The following GPHN variants were observed in gnomAD, a reference collection of about 807,000 sequenced individuals.
The protein encoded by GPHN is gephyrin.
GPHN carries 17 observed loss-of-function variants against 95.5 expected under a neutral mutation model. The observed-to-expected ratio is 0.18, with a 90% CI of 0.12 to 0.27. GPHN has a LOEUF of 0.27. GPHN is among the 10% of genes least tolerant of loss of function. The probability of loss-of-function intolerance (pLI) is 1.00; values close to 1 mark genes in which losing one functional copy is unlikely to be tolerated. For synonymous variants in GPHN, 320 were observed against 322.5 expected (o/e 0.99, Z 0.08); for missense variants, 660 against 978.1 (o/e 0.67, Z 4.34).
chr14:66,979,720 A>G (rs1289163208), intron 9 of GPHN, among the ~76,000 whole-genome samples: 1 of 152,082 alleles, frequency 6.6e-6, no homozygotes, highest in Non-Finnish European at 1.5e-5. Context: ...TTTCCTTTGC[A>G]TTTACAACTC....
the GPHN span, among the ~76,000 whole-genome samples, chr14:67,664,509 T>TC: frequency 6.6e-6 from 1 of 151,354 alleles, no homozygotes; most frequent in African/African-American, 2.4e-5. Context: ...TTTTTTTTTT[T>TC]TTCTTGAGAC....
intron 9 of GPHN, among the ~76,000 whole-genome samples, chr14:67,005,906 T>TG (rs1173280521): frequency 1.3e-5 from 2 of 151,494 alleles, no homozygotes; most frequent in Non-Finnish European, 3.0e-5. Flanking sequence ...ATATATATAT[T>TG]ATATTTCTCC....
intron 1 of GPHN, among the ~76,000 whole-genome samples, chr14:66,556,642 T>C (rs894808875): frequency 6.6e-6 from 1 of 152,194 alleles, no homozygotes; most frequent in East Asian, 1.9e-4. Flanking sequence ...GTGTAAGTGA[T>C]AGAGCCAAAA....
chr14:67,059,240 T>C (rs1023417852), intron 11 of GPHN, among the ~76,000 whole-genome samples: 6 of 152,102 alleles, frequency 3.9e-5, no homozygotes, highest in African/African-American at 1.4e-4. Context: ...AAAAAAAATA[T>C]TAATTTATCC....
At chr14:66,794,929 T>G (rs1255333683) in intron 3 of GPHN, among the ~76,000 whole-genome samples, 1 of 152,124 alleles carries the variant, frequency 6.6e-6, no homozygotes, top group Non-Finnish European at 1.5e-5. Context: ...TATTTTTTCT[T>G]TGAATTCAGT....
At chr14:66,756,084 G>T (rs370921417) in intron 2 of GPHN, among the ~76,000 whole-genome samples, 3 of 152,242 alleles carry the variant, frequency 2.0e-5, no homozygotes, top group Admixed American at 6.5e-5. Flanking sequence ...CCAGGATATT[G>T]TGGGGCACAT....
At chr14:66,516,119 GC>G (rs1439704429) in intron 1 of GPHN, among the ~76,000 whole-genome samples, 2 of 150,934 alleles carry the variant, frequency 1.3e-5, no homozygotes, top group African/African-American at 2.4e-5. Flanking sequence ...TGATTCTCCT[GC>G]CTCAGCCTCC....
the GPHN span, among the ~76,000 whole-genome samples, chr14:67,330,158 ATT>A: frequency 6.5e-4 from 91 of 139,686 alleles, no homozygotes; most frequent in African/African-American, 2.1e-3. Flanking sequence ...AATAATAATT[ATT>A]ATTATTATTA....
At chr14:66,577,089 T>A (rs1042262211) in intron 1 of GPHN, among the ~76,000 whole-genome samples, 17 of 152,168 alleles carry the variant, frequency 1.1e-4, no homozygotes, top group Admixed American at 7.9e-4. Context: ...TGCCTAGGAA[T>A]CTTGTTGACT....
the GPHN span, chr14:67,652,236 G>GACT: frequency 6.6e-6 from 1 of 152,244 alleles, no homozygotes; most frequent in Non-Finnish European, 1.5e-5. Flanking sequence ...TTTTGGTAAA[G>GACT]ACTACTGTAT....
At chr14:67,647,202 GGGA>G in the GPHN span, 8 of 506,812 alleles carry the variant, frequency 1.6e-5, no homozygotes, top group Admixed American at 2.5e-4. Flanking sequence ...TGGGGTTTTT[GGGA>G]GGAGGTTTCC....
At chr14:67,651,722 GT>G in the GPHN span, 1 of 360,820 alleles carries the variant, frequency 2.8e-6, no homozygotes, top group Admixed American at 4.3e-5. Flanking sequence ...ATTCTGAAAT[GT>G]TGTTCAAATA....
intron 16 of GPHN, among the ~76,000 whole-genome samples, chr14:67,115,666 C>T (rs1334507388): frequency 6.6e-6 from 1 of 151,150 alleles, no homozygotes. Context: ...ACCCGGGAGG[C>T]GGAGGTTGCA....
chr14:66,803,133 A>C (rs985306501), intron 3 of GPHN, among the ~76,000 whole-genome samples: 9 of 152,152 alleles, frequency 5.9e-5, no homozygotes, highest in African/African-American at 2.2e-4. Context: ...TCTGATTGCT[A>C]GGATCAGCAG....
At chr14:66,765,824 T>C (rs1566920626) in intron 2 of GPHN, among the ~76,000 whole-genome samples, 2 of 152,336 alleles carry the variant, frequency 1.3e-5, no homozygotes, top group African/African-American at 4.8e-5. Context: ...TATCTACATA[T>C]AGTCATCTAT....
the GPHN span, among the ~76,000 whole-genome samples, chr14:67,718,118 G>C: frequency 1.3e-5 from 2 of 152,198 alleles, no homozygotes; most frequent in African/African-American, 4.8e-5. Context: ...TTGGTTTGCT[G>C]TTTGGGGTCA....
chr14:67,671,529 A>G, the GPHN span, among the ~76,000 whole-genome samples: 1 of 152,198 alleles, frequency 6.6e-6, no homozygotes, highest in Non-Finnish European at 1.5e-5. Flanking sequence ...CTATCTCAAA[A>G]AAACAAAAAA....
chr14:66,829,082 CTTT>C (rs1169056047), intron 4 of GPHN, among the ~76,000 whole-genome samples: 967 of 79,850 alleles, frequency 0.012, 2 homozygotes, highest in Non-Finnish European at 0.017. Flanking sequence ...GATTGCTTGC[CTTT>C]TTTTTTTTTT....
At chr14:67,318,234 C>T in the GPHN span, among the ~76,000 whole-genome samples, 1 of 152,106 alleles carries the variant, frequency 6.6e-6, no homozygotes, top group African/African-American at 2.4e-5. Context: ...TATTTGGGAG[C>T]AGCACACATT....
Sources: allele counts gnomAD v4.1 joint callset (sites outside exome capture counted in the v4.1 genomes callset), GRCh38; gene constraint gnomAD v4.1.1; transcripts MANE v1.5; gene names NCBI Gene and HGNC (gene_info 2026-07-23, HGNC 2026-07-21).